MICAL2: variants seen among roughly 807,000 people sequenced by gnomAD.
MICAL2 encodes microtubule associated monooxygenase, calponin and LIM domain containing 2.
In MICAL2, 77 loss-of-function variants were observed where a neutral mutation model predicts 127.3. The ratio of observed to expected loss-of-function variants is 0.60; its 90% CI spans 0.50 to 0.73. The LOEUF (loss-of-function observed/expected upper bound fraction) is 0.73. Among genes scored for constraint, MICAL2 ranks in the 30% least tolerant of loss-of-function variants. MICAL2 has a pLI of 0.00. For synonymous variants in MICAL2, 570 were observed against 551.1 expected (o/e 1.03, Z -0.48); for missense variants, 1,351 against 1,434.4 (o/e 0.94, Z 0.94).
At chr11:12,286,598 G>A (rs1477639468) in intron 2 of MICAL2, among the ~76,000 whole-genome samples, 1 of 152,206 alleles carries the variant, frequency 6.6e-6, no homozygotes, top group Non-Finnish European at 1.5e-5. Flanking sequence ...GCCAGGTGTG[G>A]TGGCTCATGC....
chr11:12,237,636 C>T (rs188676131), intron 16 of MICAL2, among the ~76,000 whole-genome samples: 2 of 151,822 alleles, frequency 1.3e-5, no homozygotes, highest in Non-Finnish European at 1.5e-5. Flanking sequence ...TGTGTCTACC[C>T]TTTCTGAGAC....
intron 1 of MICAL2, among the ~76,000 whole-genome samples, chr11:12,132,974 G>T (rs749551913): frequency 2.6e-5 from 4 of 152,212 alleles, no homozygotes; most frequent in Non-Finnish European, 4.4e-5. Context: ...GCTCATTTGT[G>T]TGTTCATCTC....
intron 4 of MICAL2, 42 bp downstream of exon 4, chr11:12,204,499 T>A: frequency 6.3e-7 from 1 of 1,589,558 alleles, no homozygotes; most frequent in Non-Finnish European, 8.6e-7. Flanking sequence ...GGGAGGGGAC[T>A]GACCCTGGGT....
chr11:12,163,448 GT>G (rs1351251365), intron 3 of MICAL2, among the ~76,000 whole-genome samples: 3 of 152,218 alleles, frequency 2.0e-5, no homozygotes, highest in African/African-American at 7.2e-5. Context: ...GGACTGTTGT[GT>G]TTTTGTTTTG....
chr11:12,236,340 C>G, intron 16 of MICAL2, 95 bp downstream of exon 16: 1 of 1,119,032 alleles, frequency 8.9e-7, no homozygotes, highest in Non-Finnish European at 1.4e-6. Flanking sequence ...GGCCCTGTTC[C>G]TTCCCTCTCT....
At chr11:12,293,769 A>T, downstream of MICAL2, 1 of 1,613,438 alleles carries the variant, frequency 6.2e-7, no homozygotes, top group Non-Finnish European at 8.5e-7. Context: ...ACTTCTGATG[A>T]GTGCCAGCCA....
At chr11:12,185,148 GGTGGGTGTGTGGATGA>G (rs1311097100) in intron 3 of MICAL2, among the ~76,000 whole-genome samples, 3 of 92,164 alleles carry the variant, frequency 3.3e-5, no homozygotes, top group Non-Finnish European at 7.0e-5. Flanking sequence ...GGGATGGATG[GGTGGGTGTGTGGATGA>G]ATGGGTGGGT....
intron 14 of MICAL2, 53 bp downstream of exon 14, chr11:12,226,423 G>A: frequency 5.8e-6 from 9 of 1,563,294 alleles, no homozygotes; most frequent in Non-Finnish European, 7.0e-6. Context: ...CTCTGTCCCT[G>A]TCTCTGAGTC....
chr11:12,224,776 G>C lies in MICAL2; in HGVS notation c.1644G>C (p.Gly548=). Residue 548 remains glycine (G), a synonymous_variant, in exon 13 of 28, where the codon GGG becomes GGC. Coordinates refer to ENST00000683283, the MANE Select transcript of MICAL2 (RefSeq NM_001282663.2). ...VTDLTTSWRS[G]LALCAIIHRF... The stretch of plus-strand genomic sequence containing the variant: ...ACCTGACCACATCCTGGCGCAGTGG[G>C]TTGGCCCTGTGTGCCATCATCCACC... The C allele has an allele frequency of 6.2e-7, 1 of 1,614,176 alleles. No homozygotes were observed. The highest frequency in any genetic ancestry group is 8.5e-7 in the Non-Finnish European group (1 of 1,179,980).
chr11:12,272,532 G>C (rs541154479), upstream of MICAL2, among the ~76,000 whole-genome samples: 11 of 152,296 alleles, frequency 7.2e-5, 1 homozygote, highest in South Asian at 2.1e-3. Flanking sequence ...GGAAATACAA[G>C]CATTTGGGCA....
At chr11:12,265,710 G>T (rs1396977453), downstream of MICAL2, among the ~76,000 whole-genome samples, 1 of 152,126 alleles carries the variant, frequency 6.6e-6, no homozygotes, top group Non-Finnish European at 1.5e-5. Context: ...ATAGGCAAAG[G>T]CTATGAACAG....
chr11:12,324,842 C>G (rs1037026027), intron 31 of MICAL2, among the ~76,000 whole-genome samples: 3 of 152,212 alleles, frequency 2.0e-5, no homozygotes, highest in Non-Finnish European at 2.9e-5. Context: ...TGGGAGCTAC[C>G]TCTTTCACCT....
chr11:12,296,608 G>A (rs1399871245), downstream of MICAL2, among the ~76,000 whole-genome samples: 1 of 149,758 alleles, frequency 6.7e-6, no homozygotes, highest in Non-Finnish European at 1.5e-5. Flanking sequence ...ACATTTGCAT[G>A]GTTCAAAATC....
intron 33 of MICAL2, among the ~76,000 whole-genome samples, chr11:12,352,487 C>T (rs1046906148): frequency 1.3e-5 from 2 of 152,206 alleles, no homozygotes; most frequent in African/African-American, 2.4e-5. Flanking sequence ...ACTGCAGCTT[C>T]CCCGGTCAAC....
chr11:12,268,923 C>T (rs1243382445), intron 24 of MICAL2, among the ~76,000 whole-genome samples: 1 of 152,076 alleles, frequency 6.6e-6, no homozygotes, highest in African/African-American at 2.4e-5. Flanking sequence ...GGTGTGAACC[C>T]GGGAGGCGGA....
At chr11:12,176,061 C>G (rs1023526178) in intron 3 of MICAL2, among the ~76,000 whole-genome samples, 1 of 152,180 alleles carries the variant, frequency 6.6e-6, no homozygotes, top group Non-Finnish European at 1.5e-5. Context: ...ACTAGGGTCT[C>G]TCCTATCTGT....
rs563765110 is a variant in MICAL2, at chr11:12,231,812, C to T, written c.1996-4365C>T. Reference sequence around the variant, plus strand: ...TTTCCAAGGCTGGGCCAGCACAGGGCCCTGGAGTATCCCCTCCAGGTGCGC... The same window carrying T: ...TTTCCAAGGCTGGGCCAGCACAGGGTCCTGGAGTATCCCCTCCAGGTGCGC... On this transcript the variant is annotated intron_variant, in intron 15 of 27. Coordinates refer to ENST00000683283, the MANE Select transcript of MICAL2 (RefSeq NM_001282663.2). Among the ~76,000 whole-genome samples the T allele has an allele frequency of 1.1e-4, 17 of 152,318 alleles. No individual in the cohort carries two copies. In the East Asian group the frequency reaches 2.3e-3, roughly 21 times the overall value.
intron 21 of MICAL2, among the ~76,000 whole-genome samples, chr11:12,244,772 A>G (rs573449763): frequency 2.0e-5 from 3 of 152,260 alleles, no homozygotes; most frequent in South Asian, 4.2e-4. Context: ...CGTGACATGG[A>G]AAGATGGAAT....
rs56832587 is a variant in MICAL2, at chr11:12,283,343, TAAAAAAAAAAA to T, written c.254+2253_254+2263del. Among the ~76,000 whole-genome samples the T allele has an allele frequency of 3.0e-5, 4 of 132,586 alleles. No individual in the cohort carries two copies. The East Asian group carries it at 8.8e-4, about 29-fold the overall frequency. The allele number at this position is 132,586 out of a possible 152,430, so 87.0% of individuals were successfully genotyped here. ...AGACTCCTGGTTGCAGTGTGGAGTT[TAAAAAAAAAAA>T]AAAAAAAAGACTCTACGTTGGTCCA... On this transcript the variant is annotated intron_variant, in intron 2 of 2. Transcript: ENST00000529028.
Sources: gnomAD v4.1 joint callset for allele counts (sites outside exome capture counted in the v4.1 genomes callset) on GRCh38, gnomAD v4.1.1 for gene constraint, MANE v1.5 for transcripts, NCBI Gene and HGNC (gene_info 2026-07-23, HGNC 2026-07-21) for gene names.